Variants in ZNF285 observed in about 807,000 individuals in gnomAD.
ZNF285 encodes zinc finger protein 285A.
ZNF285 carries 4 observed loss-of-function variants against 6.2 expected under a neutral mutation model. The ratio of observed to expected loss-of-function variants is 0.65; its 90% CI spans 0.32 to 1.49. The LOEUF is 1.49. Ranked by LOEUF, ZNF285 falls within the 40% of genes most tolerant of loss-of-function variation. The pLI, the probability that ZNF285 is intolerant of heterozygous loss-of-function variation, is 0.07. For missense variants in ZNF285, 695 were observed against 708.8 expected, an observed-to-expected ratio of 0.98 and a Z score of 0.22; for synonymous variants, 240 against 245.8, an observed-to-expected ratio of 0.98 and a Z score of 0.22.
At chr19:44,392,544 ACAC>A in intron 2 of ZNF285, 78 bp from the exon 3 acceptor site, 1 of 1,612,870 alleles carries the variant, frequency 6.2e-7, no homozygotes, top group South Asian at 1.1e-5. Flanking sequence ...CCTTAATAAA[ACAC>A]CACAGTCTGA....
rs1971031843 is a variant in ZNF285 at position 44,383,619 on chromosome 19, A to G, written c.*2853T>C. 2 of 152,222 alleles carry G rather than the reference A, an allele frequency of 1.3e-5. No homozygotes were observed. Among genetic ancestry groups the G allele is most frequent in the Admixed American group, 1.3e-4 (2 of 15,280 alleles). 9.4% of individuals were successfully genotyped at this position (152,222 alleles called of 1,614,324 possible). A position where few individuals can be genotyped will look rare whatever the true frequency, so the allele number is the denominator to read the frequency against. The stretch of plus-strand genomic sequence containing the variant: ...AGTTGAACTTGCCAGCTCACACATC[A>G]TGAGCTAAATAAATATGTATTTAGA... On this transcript the variant is annotated 3_prime_UTR_variant, in exon 4 of 4. Transcript: ENST00000614994.
chr19:44,394,469 CAA>C (rs1971247606), intron 2 of ZNF285: 2 of 482,530 alleles, frequency 4.1e-6, no homozygotes. Context: ...ACCTGGGTGA[CAA>C]AATTTTACAC....
At position 44,392,472 on chromosome 19, in the gene ZNF285, A is replaced by G; in HGVS notation, c.16-6T>C. The G allele has an allele frequency of 6.2e-7, 1 of 1,613,802 alleles. No individual in the cohort carries two copies. Among genetic ancestry groups the G allele is most frequent in the East Asian group, 2.2e-5 (1 of 44,882 alleles). On this transcript the variant is annotated splice_polypyrimidine_tract_variant and splice_region_variant and intron_variant, in intron 2 of 3. Transcript: ENST00000614994. ...TCCTTGAATGTCACCCTTTCCTAAA[A>G]CATCAACCACATGCCACGTCAATCA...
chr19:44,397,604 G>A (rs1971303723), intron 1 of ZNF285, among the ~76,000 whole-genome samples: 2 of 152,154 alleles, frequency 1.3e-5, no homozygotes, highest in South Asian at 2.1e-4. Context: ...CAATCTCAGG[G>A]CTGGGCACAG....
At chr19:44,396,901 T>G (rs1419190922) in intron 2 of ZNF285, 1 of 392,514 alleles carries the variant, frequency 2.5e-6, no homozygotes, top group Non-Finnish European at 4.7e-6. Context: ...TGTAAGTTTC[T>G]GAACTTACTC....
At chr19:44,393,059 G>C (rs776697357) in intron 2 of ZNF285, among the ~76,000 whole-genome samples, 4 of 152,014 alleles carry the variant, frequency 2.6e-5, no homozygotes, top group African/African-American at 7.3e-5. Context: ...ATATCAACTA[G>C]GTATTAAAAA....
Position 44,386,038 on chromosome 19 carries a change from A to G in ZNF285, c.*434T>C, listed in dbSNP as rs10409019. ...GGTACTAACGTTCTTTCATAGTAAG[A>G]GCATGGGTTTCATTTTTGAGCACAC... On this transcript the variant is annotated 3_prime_UTR_variant, in exon 4 of 4. Transcript: ENST00000614994. 1 of 168,694 alleles carries G rather than the reference A, an allele frequency of 5.9e-6. No individual in the cohort carries two copies. Among genetic ancestry groups the G allele is most frequent in the African/African-American group, 2.4e-5 (1 of 41,696 alleles). The allele number at this position is 168,694 out of a possible 1,614,324, so 10.4% of individuals were successfully genotyped here. A position where few individuals can be genotyped will look rare whatever the true frequency, so the allele number is the denominator to read the frequency against.
intron 1 of ZNF285, among the ~76,000 whole-genome samples, chr19:44,400,626 G>C (rs1015967617): frequency 6.6e-6 from 1 of 152,118 alleles, no homozygotes; most frequent in African/African-American, 2.4e-5. Flanking sequence ...CCAGGCTGGA[G>C]TGCAGTGGCG....
In ZNF285 at chr19:44,384,783, G is replaced by A; in HGVS notation, c.*1689C>T. 6.6e-6 allele frequency: 1 copy of A among 152,174 alleles called. No homozygotes were observed. The highest frequency in any genetic ancestry group is 1.5e-5 in the Non-Finnish European group (1 of 68,094). The allele number at this position is 152,174 out of a possible 1,614,324, so 9.4% of individuals were successfully genotyped here. A position where few individuals can be genotyped will look rare whatever the true frequency, so the allele number is the denominator to read the frequency against. ...GTAGGAGGATCGCTTGAAACCAGAA[G>A]TTTGAGACTAACCTGGGCAACAAAG... On this transcript the variant is annotated 3_prime_UTR_variant, in exon 4 of 4. Transcript: ENST00000614994.
Position 44,387,684 on chromosome 19 carries a change from C to A in ZNF285, c.561G>T (p.Trp187Cys). 1 of 1,613,840 alleles carries A rather than the reference C, an allele frequency of 6.2e-7. No homozygotes were observed. Among genetic ancestry groups the A allele is most frequent in the African/African-American group, 1.3e-5 (1 of 74,976 alleles). Residue 187 changes from tryptophan to cysteine, a missense_variant, in exon 4 of 4, where the codon TGG (tryptophan) becomes TGT (cysteine). Coordinates refer to ENST00000614994, the MANE Select transcript of ZNF285 (RefSeq NM_152354.6). The stretch of plus-strand genomic sequence containing the variant: ...GGGACTCATGATGATCACATGAGGT[C>A]CAACTGAGGCTGTCATCATGCTGAG... ...RRAQHDDSLS[W>C]TSCDHHESQE...
At position 44,384,906 on chromosome 19, in the gene ZNF285, G is replaced by A. The variant is rs1054580372; in HGVS notation, c.*1566C>T. 6 of 150,162 alleles carry A rather than the reference G, an allele frequency of 4.0e-5. No individual in the cohort carries two copies. The highest frequency in any genetic ancestry group is 2.7e-4 in the Admixed American group (4 of 14,976). The allele number at this position is 150,162 out of a possible 1,614,324, so 9.3% of individuals were successfully genotyped here. A position where few individuals can be genotyped will look rare whatever the true frequency, so the allele number is the denominator to read the frequency against. Reference sequence around the variant, plus strand: ...CCAGCTACTCAGGAGGCTGAGGCAGGAGGATCACTGAAGCCAGGAGTTCAA... The same window carrying A: ...CCAGCTACTCAGGAGGCTGAGGCAGAAGGATCACTGAAGCCAGGAGTTCAA... On this transcript the variant is annotated 3_prime_UTR_variant, in exon 4 of 4. Transcript: ENST00000614994.
chr19:44,399,601 C>T (rs1599975370), intron 1 of ZNF285, among the ~76,000 whole-genome samples: 1 of 151,962 alleles, frequency 6.6e-6, no homozygotes, highest in East Asian at 1.9e-4. Context: ...AATAATGGGA[C>T]AGGTTTATTT....
In ZNF285 at chr19:44,386,552, C is replaced by T; in HGVS notation, c.1693G>A (p.Glu565Lys). 1 of 1,614,158 alleles carries T rather than the reference C, an allele frequency of 6.2e-7. No individual in the cohort carries two copies. Among genetic ancestry groups the T allele is most frequent in the Non-Finnish European group, 8.5e-7 (1 of 1,179,996 alleles). ...LLAHQRVHID[E>K]TQYTHCERGK... ...CGCTCACAGTGTGTGTACTGTGTCT[C>T]ATCTATATGCACTCTCTGATGGGCA... The change falls in exon 4 of 4, where the codon GAG becomes AAG. Residue 565 changes from glutamate (E) to lysine (K), a missense_variant. Coordinates refer to ENST00000614994, the MANE Select transcript of ZNF285 (RefSeq NM_152354.6).
At chr19:44,400,103 G>T (rs1225401827) in intron 1 of ZNF285, among the ~76,000 whole-genome samples, 1 of 150,496 alleles carries the variant, frequency 6.6e-6, no homozygotes, top group Non-Finnish European at 1.5e-5. Context: ...GCCTTTCAGG[G>T]CAGACAGCAG....
In ZNF285 at chr19:44,387,749, A is replaced by G; in HGVS notation, c.496T>C (p.Tyr166His). 6.2e-7 allele frequency: 1 copy of G among 1,613,782 alleles called. No homozygotes were observed. The highest frequency in any genetic ancestry group is 8.5e-7 in the Non-Finnish European group (1 of 1,179,836). The change falls in exon 4 of 4, where the codon TAT becomes CAT. Residue 166 changes from tyrosine to histidine, a missense_variant. By Grantham distance (83) the Tyr-to-His change is moderately conservative. Coordinates refer to ENST00000614994, the MANE Select transcript of ZNF285 (RefSeq NM_152354.6). ...TTCTCTTCCATGTAAATTCCCTTATATCTTCCCTGAGAGTTCTGGGGCTCG... is the reference window on the plus strand; with the variant it reads ...TTCTCTTCCATGTAAATTCCCTTATGTCTTCCCTGAGAGTTCTGGGGCTCG... ...MTEPQNSQGRYKGIYMEEKLY... is the reference protein window; with the variant it reads ...MTEPQNSQGRHKGIYMEEKLY...
At position 44,386,148 on chromosome 19, in the gene ZNF285, C is replaced by T. The variant is rs1971065161; in HGVS notation, c.*324G>A. ...GACGTTGGCTGAACTGAAGACCTTA[C>T]CATGATCATCCCAATTAGAATTTCC... is the stretch of plus-strand genomic sequence containing the variant. On this transcript the variant is annotated 3_prime_UTR_variant, in exon 4 of 4. Transcript: ENST00000614994. 1 of 244,268 alleles carries T rather than the reference C, an allele frequency of 4.1e-6. No individual in the cohort carries two copies. The highest frequency in any genetic ancestry group is 8.0e-6 in the Non-Finnish European group (1 of 125,606). 15.1% of individuals were successfully genotyped at this position (244,268 alleles called of 1,614,324 possible).
Position 44,387,266 on chromosome 19 carries a change from G to A in ZNF285, c.979C>T (p.Arg327Cys), listed in dbSNP as rs766718884. 18 of 1,614,000 alleles carry A rather than the reference G, an allele frequency of 1.1e-5. No homozygotes were observed. The highest frequency in any genetic ancestry group is 1.6e-4 in the Middle Eastern group (1 of 6,084). ...KCKECGKGFR[R>C]SSSLHNHHRV... The stretch of plus-strand genomic sequence containing the variant: ...TGATGGTTGTGAAGGGAAGAGCTGC[G>A]CCTGAAGCCCTTGCCACATTCTTTA... Residue 327 changes from arginine (R) to cysteine (C), a missense_variant, in exon 4 of 4, where the codon CGC (arginine) becomes TGC (cysteine). By Grantham distance (180) the Arg-to-Cys change is radical (BLOSUM62 -3). Coordinates refer to ENST00000614994, the MANE Select transcript of ZNF285 (RefSeq NM_152354.6).
chr19:44,389,274 G>T (rs1450433506), intron 3 of ZNF285, among the ~76,000 whole-genome samples: 2 of 152,102 alleles, frequency 1.3e-5, no homozygotes, highest in Admixed American at 1.3e-4. Flanking sequence ...ATATTCTTGG[G>T]ATCCTAAGAT....
At chr19:44,397,745 G>T (rs1030945267) in intron 1 of ZNF285, among the ~76,000 whole-genome samples, 4 of 152,078 alleles carry the variant, frequency 2.6e-5, no homozygotes, top group African/African-American at 9.7e-5. Context: ...TTAGCTGGGT[G>T]TGGTGGCGGA....
Sources: allele counts gnomAD v4.1 joint callset (sites outside exome capture counted in the v4.1 genomes callset), GRCh38; gene constraint gnomAD v4.1.1; transcripts MANE v1.5; gene names NCBI Gene and HGNC (gene_info 2026-07-23, HGNC 2026-07-21).